The following RABL3 variants were observed in gnomAD, a reference collection of about 807,000 sequenced individuals.
RABL3 encodes rab-like protein 3.
Under a neutral mutation model 31.8 loss-of-function variants are expected in RABL3, and 31 were observed. The observed-to-expected ratio is 0.97, with a 90% CI of 0.73 to 1.31. RABL3 has a LOEUF of 1.31. Ranked by LOEUF, RABL3 falls within the 40% of genes most tolerant of loss-of-function variation. RABL3 has a pLI of 0.00. For missense variants in RABL3, 263 were observed against 279.6 expected (o/e 0.94, Z 0.42); for synonymous variants, 97 against 99.9 (o/e 0.97, Z 0.18).
At chr3:120,700,065 CATAT>C (rs960866076) in intron 4 of RABL3, among the ~76,000 whole-genome samples, 1 of 152,274 alleles carries the variant, frequency 6.6e-6, no homozygotes. Context: ...ATAAAGCATA[CATAT>C]ATAGTTTGCT....
At chr3:120,726,715 G>A (rs1312350160) in intron 2 of RABL3, among the ~76,000 whole-genome samples, 1 of 151,998 alleles carries the variant, frequency 6.6e-6, no homozygotes, top group Non-Finnish European at 1.5e-5. Flanking sequence ...CTGCACTCCA[G>A]CCGGAGCAAC....
At chr3:120,736,067 G>C (rs1423377672) in intron 1 of RABL3, among the ~76,000 whole-genome samples, 4 of 152,150 alleles carry the variant, frequency 2.6e-5, no homozygotes, top group Non-Finnish European at 5.9e-5. Flanking sequence ...GGTCCGCTTG[G>C]TGCAGAGGTG....
At chr3:120,696,872 C>A (rs1447871054) in intron 5 of RABL3, among the ~76,000 whole-genome samples, 1 of 152,042 alleles carries the variant, frequency 6.6e-6, no homozygotes. Flanking sequence ...TCCATTGTGG[C>A]AGCTGAGAAA....
At chr3:120,720,942 C>A (rs532927009) in intron 2 of RABL3, among the ~76,000 whole-genome samples, 1 of 152,290 alleles carries the variant, frequency 6.6e-6, no homozygotes, top group African/African-American at 2.4e-5. Flanking sequence ...AGAGAAAAGT[C>A]AGGTTACCCA....
intron 2 of RABL3, among the ~76,000 whole-genome samples, chr3:120,720,587 G>A (rs987431192): frequency 5.9e-5 from 9 of 152,148 alleles, no homozygotes; most frequent in Admixed American, 2.0e-4. Context: ...GGGTATCAGC[G>A]ATGGAAGATC....
rs189850905 is a variant in RABL3, at chr3:120,726,001, G to A, written c.138+4695C>T. 1.8e-4 allele frequency among the ~76,000 whole-genome samples: 28 copies of A among 152,034 alleles called. No homozygotes were observed. The East Asian group carries it at 4.8e-3, about 26-fold the overall frequency. ...AAAAAATTTTTTAACATTTTTTTATGGAGGCGGGGGTCTCACCATGTTGCC... is the reference window on the plus strand; with the variant it reads ...AAAAAATTTTTTAACATTTTTTTATAGAGGCGGGGGTCTCACCATGTTGCC... On this transcript the variant is annotated intron_variant, in intron 2 of 7. Coordinates refer to ENST00000273375, the MANE Select transcript of RABL3 (RefSeq NM_173825.5).
intron 2 of RABL3, among the ~76,000 whole-genome samples, chr3:120,725,874 C>A (rs936103445): frequency 6.6e-6 from 1 of 152,044 alleles, no homozygotes; most frequent in African/African-American, 2.4e-5. Context: ...GTGCAGCACA[C>A]CAACATGGCA....
At chr3:120,700,285 C>T (rs969763487) in intron 4 of RABL3, among the ~76,000 whole-genome samples, 3 of 151,776 alleles carry the variant, frequency 2.0e-5, no homozygotes, top group Admixed American at 1.3e-4. Flanking sequence ...AAAATAAAGA[C>T]AAAAAAACTT....
At chr3:120,702,894 C>G (rs1255073534) in intron 4 of RABL3, among the ~76,000 whole-genome samples, 1 of 152,120 alleles carries the variant, frequency 6.6e-6, no homozygotes, top group Non-Finnish European at 1.5e-5. Flanking sequence ...AACTGTATCT[C>G]AAGACAGTGG....
rs962416437 is a variant in RABL3, at chr3:120,686,479, A to C, written c.*3344T>G. ...ATCATTTCCATGAAGTCCATGTCAG[A>C]ATGAACAGAAAAACAAGTGTCAGGG... On this transcript the variant is annotated 3_prime_UTR_variant, in exon 8 of 8. Transcript: ENST00000273375. Among the ~76,000 whole-genome samples the C allele has an allele frequency of 2.6e-5, 4 of 152,186 alleles. No individual in the cohort carries two copies. Among genetic ancestry groups the C allele is most frequent in the African/African-American group, 9.6e-5 (4 of 41,458 alleles).
intron 5 of RABL3, among the ~76,000 whole-genome samples, chr3:120,695,548 C>T (rs958265373): frequency 1.3e-5 from 2 of 152,140 alleles, no homozygotes; most frequent in African/African-American, 2.4e-5. Context: ...GTCCTCCTCT[C>T]TTCAATCTAA....
At chr3:120,726,377 C>A (rs538957489) in intron 2 of RABL3, among the ~76,000 whole-genome samples, 1 of 152,252 alleles carries the variant, frequency 6.6e-6, no homozygotes, top group African/African-American at 2.4e-5. Context: ...CTAATCCCAG[C>A]ACTTTGGGAG....
intron 4 of RABL3, among the ~76,000 whole-genome samples, chr3:120,703,524 G>A (rs1048042266): frequency 6.6e-5 from 10 of 151,564 alleles, no homozygotes; most frequent in Non-Finnish European, 1.0e-4. Context: ...AAGCTATAGA[G>A]AACAAAATAA....
intron 4 of RABL3, 33 bp from the exon 5 acceptor site, chr3:120,698,606 A>G (rs757370887): frequency 6.4e-7 from 1 of 1,560,900 alleles, no homozygotes; most frequent in Non-Finnish European, 8.8e-7. Context: ...GGTGAATAGA[A>G]TGTATCTTTC....
At chr3:120,702,729 T>C (rs1708507056) in intron 4 of RABL3, among the ~76,000 whole-genome samples, 1 of 151,918 alleles carries the variant, frequency 6.6e-6, no homozygotes, top group African/African-American at 2.4e-5. Flanking sequence ...GGCTAATCTT[T>C]TGTATTTTTA....
chr3:120,695,682 G>A (rs1708428841), intron 5 of RABL3, among the ~76,000 whole-genome samples: 1 of 152,108 alleles, frequency 6.6e-6, no homozygotes, highest in Admixed American at 6.5e-5. Flanking sequence ...AATAGTGTTT[G>A]AACACATTTC....
At chr3:120,735,462 T>G (rs1309338588) in intron 1 of RABL3, among the ~76,000 whole-genome samples, 1 of 152,216 alleles carries the variant, frequency 6.6e-6, no homozygotes, top group South Asian at 2.1e-4. Context: ...TTGCTAGTGG[T>G]CTATCAATTT....
chr3:120,708,044 G>C (rs1156265130), intron 3 of RABL3, among the ~76,000 whole-genome samples: 1 of 152,052 alleles, frequency 6.6e-6, no homozygotes, highest in Non-Finnish European at 1.5e-5. Context: ...AGGGAAGAAA[G>C]TTATCGCTAA....
chr3:120,725,558 C>T (rs1191020355), intron 2 of RABL3, among the ~76,000 whole-genome samples: 8 of 152,188 alleles, frequency 5.3e-5, no homozygotes, highest in African/African-American at 1.9e-4. Flanking sequence ...AAATGTCCAT[C>T]AATGGTAGAG....
Sources: allele counts gnomAD v4.1 joint callset (sites outside exome capture counted in the v4.1 genomes callset), GRCh38; gene constraint gnomAD v4.1.1; transcripts MANE v1.5; gene names NCBI Gene and HGNC (gene_info 2026-07-23, HGNC 2026-07-21).